PDE8A: variants seen among roughly 807,000 people sequenced by gnomAD.
The protein encoded by PDE8A is phosphodiesterase 8A, also known as high affinity cAMP-specific and IBMX-insensitive 3',5'-cyclic phosphodiesterase 8A.
Under a neutral mutation model 105.0 loss-of-function variants are expected in PDE8A, and 59 were observed. That is an observed-to-expected ratio of 0.56 (90% CI 0.46 to 0.70). The LOEUF (loss-of-function observed/expected upper bound fraction) is 0.70. Ranked by LOEUF, PDE8A falls within the 30% of genes least tolerant of loss-of-function variation. PDE8A has a pLI of 0.00. For missense variants in PDE8A, 1,014 were observed against 1,045.9 expected (o/e 0.97, Z 0.42); for synonymous variants, 355 against 371.9 (o/e 0.95, Z 0.52).
At chr15:85,033,153 C>CT (rs1426577585) in intron 1 of PDE8A, among the ~76,000 whole-genome samples, 1 of 152,166 alleles carries the variant, frequency 6.6e-6, no homozygotes, top group African/African-American at 2.4e-5. Flanking sequence ...AGGAAGTAGA[C>CT]TGAAGGCACT....
At chr15:85,091,392 C>T (rs934533330) in intron 8 of PDE8A, among the ~76,000 whole-genome samples, 1 of 152,170 alleles carries the variant, frequency 6.6e-6, no homozygotes, top group Non-Finnish European at 1.5e-5. Context: ...AGCAAAGTAA[C>T]TTGAATTGAC....
At chr15:85,021,992 T>C (rs558058181) in intron 1 of PDE8A, among the ~76,000 whole-genome samples, 1 of 152,364 alleles carries the variant, frequency 6.6e-6, no homozygotes, top group South Asian at 2.1e-4. Context: ...TATTTTCTGC[T>C]TTGAAATGAA....
intron 3 of PDE8A, among the ~76,000 whole-genome samples, chr15:85,073,395 T>C (rs184204323): frequency 6.6e-6 from 1 of 152,360 alleles, no homozygotes; most frequent in East Asian, 1.9e-4. Context: ...CTCTACCTTT[T>C]TATACAGTTT....
chr15:85,074,072 T>G (rs2081348858), intron 3 of PDE8A, among the ~76,000 whole-genome samples: 1 of 152,116 alleles, frequency 6.6e-6, no homozygotes, highest in Middle Eastern at 3.2e-3. Flanking sequence ...GCAGGGATGT[T>G]GAGGGGGTGG....
At chr15:85,064,754 TGAG>T (rs1217912952) in intron 2 of PDE8A, among the ~76,000 whole-genome samples, 1 of 151,984 alleles carries the variant, frequency 6.6e-6, no homozygotes, top group Admixed American at 6.6e-5. Flanking sequence ...GAGGAGTCCT[TGAG>T]GAGTTTGAAA....
chr15:85,111,323 G>C (rs1035334384), intron 12 of PDE8A, among the ~76,000 whole-genome samples: 1 of 152,004 alleles, frequency 6.6e-6, no homozygotes, highest in Non-Finnish European at 1.5e-5. Flanking sequence ...ATTCTCCCTT[G>C]TTTTCTTCTA....
intron 1 of PDE8A, among the ~76,000 whole-genome samples, chr15:84,983,821 T>C (rs1009080190): frequency 6.6e-5 from 10 of 152,242 alleles, no homozygotes; most frequent in African/African-American, 2.4e-4. Flanking sequence ...CTTTGTGTCT[T>C]ACAGGCTTTT....
intron 1 of PDE8A, among the ~76,000 whole-genome samples, chr15:85,044,687 C>T (rs1006340170): frequency 6.6e-6 from 1 of 152,208 alleles, no homozygotes; most frequent in African/African-American, 2.4e-5. Flanking sequence ...ATCTCTGTGG[C>T]CGGCCCCAGG....
intron 1 of PDE8A, among the ~76,000 whole-genome samples, chr15:85,057,609 A>G (rs11632899): frequency 0.31 from 46,375 of 152,034 alleles, 7,437 homozygotes; most frequent in Middle Eastern, 0.38. Context: ...CCCGTCTTCC[A>G]TGTCGCGCAC....
chr15:85,060,645 C>T (rs1165670170), intron 1 of PDE8A, among the ~76,000 whole-genome samples: 2 of 152,158 alleles, frequency 1.3e-5, no homozygotes. Flanking sequence ...GACAACTGTA[C>T]ATTGTGTGCC....
At position 85,089,427 on chromosome 15, in the gene PDE8A, T is replaced by A; in HGVS notation, c.714+11T>A. The A allele has an allele frequency of 2.7e-6, 4 of 1,477,180 alleles. No homozygotes were observed. Among genetic ancestry groups the A allele is most frequent in the Non-Finnish European group, 3.8e-6 (4 of 1,066,110 alleles). The allele number at this position is 1,477,180 out of a possible 1,614,324, so 91.5% of individuals were successfully genotyped here. A position where few individuals can be genotyped will look rare whatever the true frequency, so the allele number is the denominator to read the frequency against. On this transcript the variant is annotated intron_variant, in intron 7 of 21. Coordinates refer to ENST00000394553, the MANE Select transcript of PDE8A (RefSeq NM_002605.3). ...GACCGTTTTATACAGGTTTGTTATT[T>A]TGGAAATCTGTCTTTCTGGATTTCT...
intron 3 of PDE8A, among the ~76,000 whole-genome samples, chr15:85,072,834 C>T (rs998386664): frequency 3.9e-5 from 6 of 152,136 alleles, no homozygotes; most frequent in South Asian, 2.1e-4. Flanking sequence ...CCAGTGAGGC[C>T]GGGCTTGGTG....
upstream of PDE8A, among the ~76,000 whole-genome samples, chr15:84,981,390 C>G (rs1001306263): frequency 6.6e-6 from 1 of 151,872 alleles, no homozygotes; most frequent in Non-Finnish European, 1.5e-5. Flanking sequence ...ATCACGGAGC[C>G]GGAGCCGGAG....
At chr15:85,052,281 A>G (rs2080988320) in intron 1 of PDE8A, among the ~76,000 whole-genome samples, 4 of 152,228 alleles carry the variant, frequency 2.6e-5, no homozygotes, top group Admixed American at 2.6e-4. Context: ...CGCAATAAAC[A>G]TATGTGTGCA....
chr15:85,016,378 A>G (rs1436920859), intron 1 of PDE8A, among the ~76,000 whole-genome samples: 1 of 130,842 alleles, frequency 7.6e-6, no homozygotes, highest in Non-Finnish European at 1.8e-5. Flanking sequence ...GAATAAATTC[A>G]GTTTAATCTT....
chr15:85,089,380 T>A lies in PDE8A; in HGVS notation c.678T>A (p.Asp226Glu), dbSNP rs1189301778. The A allele has an allele frequency of 6.3e-7, 1 of 1,597,432 alleles. No homozygotes were observed. Among genetic ancestry groups the A allele is most frequent in the Admixed American group, 1.7e-5 (1 of 59,454 alleles). ...TCACTGCATTAGAAAACAGTGAAGA[T>A]GCAATTGAAATTACAAGCGAAGACC... ...SVFTALENSEDAIEITSEDRF... is the reference protein window; with the variant it reads ...SVFTALENSEEAIEITSEDRF... The change falls in exon 7 of 22, where the codon GAT (aspartate) becomes GAA (glutamate). Residue 226 changes from aspartate (D) to glutamate (E), a missense_variant. Physicochemically the swap from Asp to Glu is conservative, Grantham distance 45 (BLOSUM62 2). Coordinates refer to ENST00000394553, the MANE Select transcript of PDE8A (RefSeq NM_002605.3).
chr15:85,017,657 C>T (rs540390432), intron 1 of PDE8A, among the ~76,000 whole-genome samples: 6 of 152,066 alleles, frequency 3.9e-5, no homozygotes, highest in East Asian at 3.9e-4. Flanking sequence ...GAGGCTGAGG[C>T]GGGTGGATTA....
intron 1 of PDE8A, among the ~76,000 whole-genome samples, chr15:85,020,906 G>T (rs2080414899): frequency 6.6e-6 from 1 of 152,074 alleles, no homozygotes; most frequent in African/African-American, 2.4e-5. Context: ...AATTAACATT[G>T]TTACAGTATT....
At chr15:85,069,620 A>G (rs1430571684) in intron 3 of PDE8A, among the ~76,000 whole-genome samples, 1 of 152,136 alleles carries the variant, frequency 6.6e-6, no homozygotes, top group Non-Finnish European at 1.5e-5. Context: ...TTTCTGATTG[A>G]TAGACCTTGT....
Sources: allele counts gnomAD v4.1 joint callset (sites outside exome capture counted in the v4.1 genomes callset), GRCh38; gene constraint gnomAD v4.1.1; transcripts MANE v1.5; gene names NCBI Gene and HGNC (gene_info 2026-07-23, HGNC 2026-07-21).